ZC3H12D: variants seen among roughly 807,000 people sequenced by gnomAD.
The protein encoded by ZC3H12D is probable ribonuclease ZC3H12D.
In ZC3H12D, 11 loss-of-function variants were observed where a neutral mutation model predicts 24.2. That is an observed-to-expected ratio of 0.46 (90% CI 0.29 to 0.75). The LOEUF is 0.75. Ranked by LOEUF, ZC3H12D falls within the 30% of genes least tolerant of loss-of-function variation. ZC3H12D has a pLI of 0.11. For synonymous variants in ZC3H12D, 333 were observed against 341.8 expected, an observed-to-expected ratio of 0.97 and a Z score of 0.28; for missense variants, 740 against 767.7, an observed-to-expected ratio of 0.96 and a Z score of 0.43.
At chr6:149,455,897 G>C (rs1775971152) in intron 4 of ZC3H12D, among the ~76,000 whole-genome samples, 1 of 142,298 alleles carries the variant, frequency 7.0e-6, no homozygotes, top group African/African-American at 2.6e-5. Context: ...GCAAGACCCT[G>C]TCAAAGAAAA....
rs762827737 is a variant in ZC3H12D, at chr6:149,451,067, C to T, written c.1200G>A (p.Pro400=). ...SLPSPESQFS[P]GDLPPPPGLQ... ...GGCCGGGCGGAGGCGGGAGGTCGCC[C>T]GGGGAGAACTGGCTCTCCGGGCTAG... Residue 400 remains proline (P), a synonymous_variant, in exon 6 of 6, where the codon CCG becomes CCA. Transcript: ENST00000409806. The T allele has an allele frequency of 1.1e-5, 16 of 1,400,814 alleles. No individual in the cohort carries two copies. The highest frequency in any genetic ancestry group is 3.3e-5 in the Admixed American group (1 of 30,222). 86.8% of individuals were successfully genotyped at this position (1,400,814 alleles called of 1,614,324 possible). A position where few individuals can be genotyped will look rare whatever the true frequency, so the allele number is the denominator to read the frequency against.
intron 2 of ZC3H12D, among the ~76,000 whole-genome samples, chr6:149,473,149 A>AACC (rs1304149099): frequency 3.4e-5 from 5 of 148,948 alleles, no homozygotes; most frequent in African/African-American, 7.5e-5. Context: ...AAAAAAAAAA[A>AACC]CTCAAAGTAC....
At chr6:149,468,085 G>A (rs1224894407) in intron 2 of ZC3H12D, among the ~76,000 whole-genome samples, 5 of 152,242 alleles carry the variant, frequency 3.3e-5, no homozygotes, top group African/African-American at 7.2e-5. Flanking sequence ...AGGTTCAAGC[G>A]ATTCTCCTGC....
At chr6:149,478,648 G>T (rs780743200) in intron 1 of ZC3H12D, among the ~76,000 whole-genome samples, 1 of 152,096 alleles carries the variant, frequency 6.6e-6, no homozygotes, top group Non-Finnish European at 1.5e-5. Context: ...GTTCCAACAG[G>T]TATTTCCACA....
chr6:149,468,094 G>T (rs1291264680), intron 2 of ZC3H12D, among the ~76,000 whole-genome samples: 1 of 152,166 alleles, frequency 6.6e-6, no homozygotes, highest in Non-Finnish European at 1.5e-5. Flanking sequence ...CGATTCTCCT[G>T]CCTCAGCCTC....
intron 2 of ZC3H12D, 77 bp from the exon 3 acceptor site, chr6:149,462,047 T>C (rs1346098730): frequency 6.6e-7 from 1 of 1,504,206 alleles, no homozygotes; most frequent in Non-Finnish European, 8.9e-7. Flanking sequence ...ATATCCTGGA[T>C]CACAGTCTCA....
intron 1 of ZC3H12D, among the ~76,000 whole-genome samples, chr6:149,481,976 G>A (rs1035459551): frequency 3.3e-5 from 5 of 152,240 alleles, no homozygotes; most frequent in East Asian, 3.8e-4. Flanking sequence ...AAACATGAGC[G>A]TTTCCAAAAT....
intron 1 of ZC3H12D, among the ~76,000 whole-genome samples, chr6:149,475,589 G>A (rs139822920): frequency 1.8e-4 from 28 of 152,264 alleles, no homozygotes; most frequent in South Asian, 1.2e-3. Context: ...GGTGGCGCAC[G>A]CCTGTAATCC....
chr6:149,450,975 C>A lies in ZC3H12D; in HGVS notation c.1292G>T (p.Arg431Met). Reference protein sequence around the residue: ...DLHGDLLSPRRPPDDPWARPP... With the variant: ...DLHGDLLSPRMPPDDPWARPP... ...ACGGGCCCACGGGTCGTCGGGTGGC[C>A]TGCGCGGGGAAAGCAAGTCGCCGTG... The change falls in exon 6 of 6, where the codon AGG becomes ATG. Residue 431 changes from arginine (R) to methionine (M), a missense_variant. By Grantham distance (91) the Arg-to-Met change is moderately conservative. Coordinates refer to ENST00000409806, the MANE Select transcript of ZC3H12D (RefSeq NM_207360.3). 2 of 1,521,028 alleles carry A rather than the reference C, an allele frequency of 1.3e-6. No individual in the cohort carries two copies. Among genetic ancestry groups the A allele is most frequent in the South Asian group, 1.2e-5 (1 of 81,262 alleles). The allele number at this position is 1,521,028 out of a possible 1,614,324, so 94.2% of individuals were successfully genotyped here. A position where few individuals can be genotyped will look rare whatever the true frequency, so the allele number is the denominator to read the frequency against.
At chr6:149,462,717 A>G (rs1308528051) in intron 2 of ZC3H12D, among the ~76,000 whole-genome samples, 1 of 152,228 alleles carries the variant, frequency 6.6e-6, no homozygotes, top group Admixed American at 6.5e-5. Context: ...GGCAGAAGAA[A>G]GTAGAATGAG....
At chr6:149,462,393 CAAA>C (rs950883898) in intron 2 of ZC3H12D, among the ~76,000 whole-genome samples, 1 of 112,430 alleles carries the variant, frequency 8.9e-6, no homozygotes, top group Non-Finnish European at 1.9e-5. Context: ...CAAAACAAAA[CAAA>C]AAAAAACCAC....
Position 149,449,876 on chromosome 6 carries a change from A to AAC in ZC3H12D, c.*805_*806dup, listed in dbSNP as rs1775855413. 1 of 151,246 alleles carries AAC rather than the reference A, an allele frequency of 6.6e-6. No homozygotes were observed. Among genetic ancestry groups the AAC allele is most frequent in the Middle Eastern group, 3.1e-3 (1 of 318 alleles). 9.4% of individuals were successfully genotyped at this position (151,246 alleles called of 1,614,324 possible). ...ATTGGAGATACTTAACCCTTAGCCA[A>AAC]ACAGTATGTGTCTGTGTGGTGTGTG... On this transcript the variant is annotated 3_prime_UTR_variant, in exon 6 of 6. Coordinates refer to ENST00000409806, the MANE Select transcript of ZC3H12D (RefSeq NM_207360.3).
chr6:149,453,276 G>A lies in ZC3H12D; in HGVS notation c.681-554C>T, dbSNP rs185139270. ...GATTGTGCCACTGCACTCCAGCCCC[G>A]GTAACAGAGTGAGATCCTGGCTAAA... On this transcript the variant is annotated intron_variant, in intron 4 of 5. Transcript: ENST00000409806. Among the ~76,000 whole-genome samples, 493 of 148,530 alleles carry A rather than the reference G, an allele frequency of 3.3e-3. 4 individuals carry two copies. Among genetic ancestry groups the A allele is most frequent in the African/African-American group, 0.011 (457 of 40,044 alleles).
chr6:149,475,078 T>G (rs1776314870), intron 1 of ZC3H12D, among the ~76,000 whole-genome samples: 1 of 152,074 alleles, frequency 6.6e-6, no homozygotes, highest in Non-Finnish European at 1.5e-5. Context: ...AGAGGAAATT[T>G]GAACACATAA....
Position 149,456,616 on chromosome 6 carries a change from GCCCCCCGC to G in ZC3H12D, c.680+42_680+49del. 8.8e-7 allele frequency: 1 copy of G among 1,130,410 alleles called. No homozygotes were observed. Among genetic ancestry groups the G allele is most frequent in the Non-Finnish European group, 1.3e-6 (1 of 763,264 alleles). 70.0% of individuals were successfully genotyped at this position (1,130,410 alleles called of 1,614,324 possible). A position where few individuals can be genotyped will look rare whatever the true frequency, so the allele number is the denominator to read the frequency against. On this transcript the variant is annotated intron_variant, in intron 4 of 5. Coordinates refer to ENST00000409806, the MANE Select transcript of ZC3H12D (RefSeq NM_207360.3). This position sits in a 1 kb window ranked among gnomAD's most constrained non-coding sequence, Gnocchi z 4.3. ...AGGCGTGGCCACTGCCTCGACCCCG[GCCCCCCGC>G]CCCGCCGCCCCCCAGGGTGTCAGGA...
intron 2 of ZC3H12D, among the ~76,000 whole-genome samples, chr6:149,468,757 G>C (rs781383802): frequency 1.2e-4 from 18 of 152,120 alleles, no homozygotes; most frequent in African/African-American, 4.1e-4. Context: ...AGACAGAACA[G>C]AGTCAGGGTC....
Position 149,456,622 on chromosome 6 carries a change from C to CCCCCCCCCCCCCCCCCCCGGGGGAG in ZC3H12D, c.680+43_680+44insCTCCCCCGGGGGGGGGGGGGGGGGG. On this transcript the variant is annotated intron_variant, in intron 4 of 5. Transcript: ENST00000409806. The surrounding 1 kb of genome is among the most constrained non-coding windows in gnomAD (Gnocchi z 4.3). ...GGCCACTGCCTCGACCCCGGCCCCC[C>CCCCCCCCCCCCCCCCCCCGGGGGAG]GCCCCGCCGCCCCCCAGGGTGTCAG... 1 of 1,314,360 alleles carries CCCCCCCCCCCCCCCCCCCGGGGGAG rather than the reference C, an allele frequency of 7.6e-7. No individual in the cohort carries two copies. Among genetic ancestry groups the CCCCCCCCCCCCCCCCCCCGGGGGAG allele is most frequent in the Non-Finnish European group, 1.1e-6 (1 of 921,308 alleles). 81.4% of individuals were successfully genotyped at this position (1,314,360 alleles called of 1,614,324 possible). A position where few individuals can be genotyped will look rare whatever the true frequency, so the allele number is the denominator to read the frequency against.
intron 1 of ZC3H12D, among the ~76,000 whole-genome samples, chr6:149,478,834 C>G (rs911130345): frequency 6.6e-6 from 1 of 152,126 alleles, no homozygotes; most frequent in South Asian, 2.1e-4. Context: ...ATGACTGTAA[C>G]AGCCTCCATC....
rs747496600 is a variant in ZC3H12D, at chr6:149,456,892, C to A, written c.454G>T (p.Val152Leu). 1.3e-6 allele frequency: 2 copies of A among 1,599,708 alleles called. No individual in the cohort carries two copies. The highest frequency in any genetic ancestry group is 1.7e-6 in the Non-Finnish European group (2 of 1,176,936). ...GCCTGCCGCTCCAGCTCCGCCAGCA[C>A]GTGCTGCTCTGAGGGCGGGGCGACG... is the stretch of plus-strand genomic sequence containing the variant. ...RADTPIREQH[V>L]LAELERQAVL... Residue 152 changes from valine (V) to leucine (L), a missense_variant, in exon 4 of 6, where the codon GTG (valine) becomes TTG (leucine). Val to Leu is a conservative substitution (Grantham distance 32, BLOSUM62 1). Transcript: ENST00000409806. This position sits in a 1 kb window ranked among gnomAD's most constrained non-coding sequence, Gnocchi z 4.3.
Sources: gnomAD v4.1 joint callset for allele counts (sites outside exome capture counted in the v4.1 genomes callset) on GRCh38, gnomAD v4.1.1 for gene constraint, Gnocchi (gnomAD v3.1) non-coding constraint, MANE v1.5 for transcripts, NCBI Gene and HGNC (gene_info 2026-07-23, HGNC 2026-07-21) for gene names.